The following DNAH2 variants were observed in gnomAD, a reference collection of about 807,000 sequenced individuals.
DNAH2 encodes the protein axonemal beta dynein heavy chain 2.
In DNAH2, 323 loss-of-function variants were observed where a neutral mutation model predicts 523.5. The ratio of observed to expected loss-of-function variants is 0.62; its 90% CI spans 0.56 to 0.68. The LOEUF (loss-of-function observed/expected upper bound fraction) is 0.68. DNAH2 is among the 30% of genes least tolerant of loss of function. The pLI is 0.00. For missense variants in DNAH2, 4,907 were observed against 5,701.5 expected, an observed-to-expected ratio of 0.86 and a Z score of 4.49; for synonymous variants, 2,093 against 2,177.4, an observed-to-expected ratio of 0.96 and a Z score of 1.08.
At chr17:7,790,405 A>G (rs369565504) in intron 44 of DNAH2, among the ~76,000 whole-genome samples, 4 of 151,954 alleles carry the variant, frequency 2.6e-5, no homozygotes, top group African/African-American at 9.7e-5. Flanking sequence ...GATTATTTCT[A>G]GAGATGGGGT....
rs775725935 is a variant in DNAH2 at position 7,786,960 on chromosome 17, A to C, written c.6530A>C (p.Asn2177Thr). ...DGPVDTLWIE[N>T]MNSVMDDNKV... ...CCCGTGGACACACTGTGGATCGAGA[A>C]CATGAACTCCGTCATGGACGATAAC... Residue 2177 changes from asparagine (N) to threonine (T), a missense_variant, in exon 42 of 86, where the codon AAC (asparagine) becomes ACC (threonine). This residue lies in a region of DNAH2 where 2,806 missense variants were observed against 3,190.8 expected (regional missense o/e 0.88). Transcript: ENST00000572933. This position sits in a 1 kb window ranked among gnomAD's most constrained non-coding sequence, Gnocchi z 7.5. 6.2e-7 allele frequency: 1 copy of C among 1,614,254 alleles called. No individual in the cohort carries two copies. The highest frequency in any genetic ancestry group is 1.1e-5 in the South Asian group (1 of 91,086).
At chr17:7,737,611 G>C (rs977265232) in intron 8 of DNAH2, among the ~76,000 whole-genome samples, 2 of 152,206 alleles carry the variant, frequency 1.3e-5, no homozygotes, top group Non-Finnish European at 2.9e-5. Context: ...AGATTGCAGT[G>C]GGGGAGAGGG....
At chr17:7,793,481 TTC>T (rs1397891173) in intron 48 of DNAH2, among the ~76,000 whole-genome samples, 2 of 134,902 alleles carry the variant, frequency 1.5e-5, no homozygotes, top group Non-Finnish European at 3.4e-5. Context: ...CTTTCTTTCT[TTC>T]TTTCTTTCTT....
rs922864280 is a variant in DNAH2 at position 7,717,758 on chromosome 17, G to C, written c.-1056G>C. ...TGGGGACGCGTGCAGACGCCGGCCC[G>C]AGAGGGCTGCGAGGGGCAACTTCTT... On this transcript the variant is annotated 5_prime_UTR_variant, in exon 1 of 86. Transcript: ENST00000572933. 1 of 152,272 alleles carries C rather than the reference G, an allele frequency of 6.6e-6. No homozygotes were observed. The highest frequency in any genetic ancestry group is 1.5e-5 in the Non-Finnish European group (1 of 68,044). 9.4% of individuals were successfully genotyped at this position (152,272 alleles called of 1,614,324 possible).
At position 7,771,141 on chromosome 17, in the gene DNAH2, T is replaced by G. The variant is rs56170635; in HGVS notation, c.4363-189T>G. 0.25 allele frequency among the ~76,000 whole-genome samples: 37,620 copies of G among 152,110 alleles called. 5,884 individuals carry two copies. The highest frequency in any genetic ancestry group is 0.35 in the Non-Finnish European group (24,057 of 67,974). On this transcript the variant is annotated intron_variant, in intron 27 of 85. Transcript: ENST00000572933. Reference sequence around the variant, plus strand: ...TTGTTCTTCTCAGATTTTTCTTCCATTTTTCTTCTTAGACCCAGGTAGCTG... The same window carrying G: ...TTGTTCTTCTCAGATTTTTCTTCCAGTTTTCTTCTTAGACCCAGGTAGCTG...
intron 3 of DNAH2, among the ~76,000 whole-genome samples, chr17:7,725,441 T>TATATATATATATATATATATATATATA (rs398119671): frequency 4.4e-4 from 60 of 136,938 alleles, no homozygotes; most frequent in African/African-American, 9.5e-4. Context: ...TATATATATA[T>TATATATATATATATATATATATATATA]TTTCTTTTTG....
At chr17:7,724,707 T>C (rs909223734) in intron 3 of DNAH2, among the ~76,000 whole-genome samples, 5 of 152,112 alleles carry the variant, frequency 3.3e-5, no homozygotes, top group Non-Finnish European at 7.3e-5. Flanking sequence ...GTAAGTTTGT[T>C]TGTTTTTGTA....
chr17:7,729,399 A>AG (rs1340726095), intron 4 of DNAH2, among the ~76,000 whole-genome samples: 99 of 150,964 alleles, frequency 6.6e-4, no homozygotes, highest in African/African-American at 2.2e-3. Flanking sequence ...AAAAAAAAAA[A>AG]AGAGAGAGAG....
At chr17:7,739,079 C>A (rs1450642538) in intron 8 of DNAH2, 3 of 690,244 alleles carry the variant, frequency 4.3e-6, no homozygotes, top group Non-Finnish European at 8.0e-6. Flanking sequence ...ACCTCCCACC[C>A]CAGGAACCAG....
chr17:7,800,220 T>C (rs2077184735), intron 56 of DNAH2, among the ~76,000 whole-genome samples: 1 of 152,102 alleles, frequency 6.6e-6, no homozygotes, highest in Non-Finnish European at 1.5e-5. Context: ...CCAGCTAATT[T>C]TTGTACTTTT....
intron 39 of DNAH2, among the ~76,000 whole-genome samples, chr17:7,783,969 G>C (rs1043333694): frequency 2.0e-5 from 3 of 151,986 alleles, no homozygotes; most frequent in African/African-American, 4.8e-5. Flanking sequence ...ATGACAAAGG[G>C]CTGAAAGTCA....
chr17:7,766,280 T>A (rs1420377446), intron 21 of DNAH2, 38 bp from the exon 22 acceptor site: 1 of 1,599,382 alleles, frequency 6.3e-7, no homozygotes, highest in African/African-American at 1.3e-5. Flanking sequence ...TTGCCAGACG[T>A]GAGCGGGAAG....
chr17:7,734,501 G>A lies in DNAH2; in HGVS notation c.771G>A (p.Lys257=), dbSNP rs1247919196. The change falls in exon 7 of 86, where the codon AAG becomes AAA. Residue 257 remains lysine, a synonymous_variant. Transcript: ENST00000572933. ...TGATCCACTGGACCCGGCAGATAAAGGAGATGCTCAGTGCCCAGGAGACTG... is the reference window on the plus strand; with the variant it reads ...TGATCCACTGGACCCGGCAGATAAAAGAGATGCTCAGTGCCCAGGAGACTG... ...TSMIHWTRQI[K]EMLSAQETVE... is the part of the protein sequence containing the mutation. The A allele has an allele frequency of 6.2e-7, 1 of 1,613,982 alleles. No homozygotes were observed. The highest frequency in any genetic ancestry group is 2.2e-5 in the East Asian group (1 of 44,880).
intron 28 of DNAH2, 87 bp from the exon 29 acceptor site, chr17:7,774,672 G>C: frequency 1.7e-6 from 2 of 1,195,662 alleles, no homozygotes; most frequent in Non-Finnish European, 2.4e-6. Context: ...CTGTTCAAGA[G>C]CTGGCAAAGA....
At chr17:7,825,912 C>T (rs1051273892) in intron 77 of DNAH2, among the ~76,000 whole-genome samples, 4 of 152,152 alleles carry the variant, frequency 2.6e-5, no homozygotes, top group South Asian at 2.1e-4. Flanking sequence ...TTTTAGAAAG[C>T]GTCTTGGCCA....
At chr17:7,789,654 G>A (rs569335659) in intron 44 of DNAH2, among the ~76,000 whole-genome samples, 6 of 148,078 alleles carry the variant, frequency 4.1e-5, no homozygotes, top group South Asian at 2.1e-4. Flanking sequence ...TCAGCTCACC[G>A]CAACCTCCGC....
rs758292478 is a variant in DNAH2 at position 7,739,756 on chromosome 17, C to T, written c.1194C>T (p.Phe398=). The T allele has an allele frequency of 5.0e-6, 8 of 1,613,296 alleles. No homozygotes were observed. The highest frequency in any genetic ancestry group is 1.8e-4 in the Middle Eastern group (1 of 5,698). The change falls in exon 9 of 86, where the codon TTC becomes TTT. Residue 398 remains phenylalanine, a synonymous_variant. Coordinates refer to ENST00000572933, the MANE Select transcript of DNAH2 (RefSeq NM_020877.5). The stretch of plus-strand genomic sequence containing the variant: ...AGGTATGTGACTGTCAGTATCACTT[C>T]GCCCGCTGGGAAGATGGCAAGCAGG... ...FRKVCDCQYH[F]ARWEDGKQGP...
chr17:7,761,677 G>T (rs996195795), intron 18 of DNAH2, among the ~76,000 whole-genome samples: 2 of 151,932 alleles, frequency 1.3e-5, no homozygotes, highest in African/African-American at 4.8e-5. Flanking sequence ...TAGAGACAGG[G>T]TTTCACCATG....
Position 7,803,841 on chromosome 17 carries a change from A to C in DNAH2, c.8973-415A>C, listed in dbSNP as rs1319961547. Among the ~76,000 whole-genome samples, 5 of 152,098 alleles carry C rather than the reference A, an allele frequency of 3.3e-5. No homozygotes were observed. In the East Asian group the frequency reaches 9.7e-4, roughly 29 times the overall value. ...AAAGAAAGAGAGAGAGAGAGCAATAAATTGTTGCAATACTGGGCCCACATT... is the reference window on the plus strand; with the variant it reads ...AAAGAAAGAGAGAGAGAGAGCAATACATTGTTGCAATACTGGGCCCACATT... On this transcript the variant is annotated intron_variant, in intron 58 of 85. Coordinates refer to ENST00000572933, the MANE Select transcript of DNAH2 (RefSeq NM_020877.5).
Sources: gnomAD v4.1 joint callset for allele counts (sites outside exome capture counted in the v4.1 genomes callset) on GRCh38, gnomAD v4.1.1 for gene constraint, gnomAD v4.1.1 regional missense constraint, Gnocchi (gnomAD v3.1) non-coding constraint, MANE v1.5 for transcripts, NCBI Gene and HGNC (gene_info 2026-07-23, HGNC 2026-07-21) for gene names.